FGD3: variants seen among roughly 807,000 people sequenced by gnomAD.
FGD3 encodes the protein FYVE, RhoGEF and PH domain-containing protein 3.
In FGD3, 45 loss-of-function variants were observed where a neutral mutation model predicts 71.8. That is an observed-to-expected ratio of 0.63 (90% CI 0.49 to 0.80). The LOEUF (loss-of-function observed/expected upper bound fraction) is 0.80. Among genes scored for constraint, FGD3 ranks in the 30% least tolerant of loss-of-function variants. The pLI, the probability that FGD3 is intolerant of heterozygous loss-of-function variation, is 0.00. For synonymous variants in FGD3, 378 were observed against 392.8 expected, an observed-to-expected ratio of 0.96 and a Z score of 0.44; for missense variants, 844 against 951.5, an observed-to-expected ratio of 0.89 and a Z score of 1.49.
At chr9:92,950,640 G>C (rs553567189) in intron 1 of FGD3, among the ~76,000 whole-genome samples, 3 of 152,300 alleles carry the variant, frequency 2.0e-5, no homozygotes, top group Admixed American at 2.0e-4. Flanking sequence ...GGGAAAGAAG[G>C]GGGCAGGAGG....
rs764103860 is a variant in FGD3, at chr9:92,976,697, C to T, written c.441C>T (p.Ala147=). ...ENTPQKADKD[A]GLAQHSGPQK... The stretch of plus-strand genomic sequence containing the variant: ...CCCCCCAGAAGGCTGACAAGGATGC[C>T]GGCCTGGCCCAGGTAGGCTTCCCCT... The change falls in exon 3 of 18, where the codon GCC becomes GCT. Residue 147 remains alanine (A), a synonymous_variant. Coordinates refer to ENST00000375482, the MANE Select transcript of FGD3 (RefSeq NM_001083536.2). 30 of 1,584,204 alleles carry T rather than the reference C, an allele frequency of 1.9e-5. No homozygotes were observed. The highest frequency in any genetic ancestry group is 4.0e-5 in the African/African-American group (3 of 74,270).
At chr9:92,963,541 C>A (rs1225980754) in intron 1 of FGD3, among the ~76,000 whole-genome samples, 2 of 152,190 alleles carry the variant, frequency 1.3e-5, no homozygotes, top group Admixed American at 6.5e-5. Context: ...CTCAAGTGAT[C>A]CTCCCTCCTT....
chr9:92,979,216 C>T (rs974872057), intron 3 of FGD3, among the ~76,000 whole-genome samples: 1 of 152,028 alleles, frequency 6.6e-6, no homozygotes, highest in Non-Finnish European at 1.5e-5. Flanking sequence ...TAGTCTTTCA[C>T]CATTGAATAT....
chr9:93,012,356 G>C (rs562179418), intron 8 of FGD3, among the ~76,000 whole-genome samples: 1 of 152,212 alleles, frequency 6.6e-6, no homozygotes, highest in South Asian at 2.1e-4. Context: ...GAGAGTGAGA[G>C]CTGCAACATG....
intron 14 of FGD3, among the ~76,000 whole-genome samples, chr9:93,028,069 T>C (rs1862190549): frequency 6.6e-6 from 1 of 151,970 alleles, no homozygotes; most frequent in Non-Finnish European, 1.5e-5. Flanking sequence ...TTTAAGCGTA[T>C]GTTGTTTAGC....
intron 3 of FGD3, among the ~76,000 whole-genome samples, chr9:92,994,289 C>T (rs559316042): frequency 2.6e-5 from 4 of 152,102 alleles, no homozygotes. Flanking sequence ...TGTTCATATC[C>T]TTTGCCCACT....
chr9:93,024,796 C>A (rs1564169865), intron 14 of FGD3, among the ~76,000 whole-genome samples: 1 of 152,240 alleles, frequency 6.6e-6, no homozygotes, highest in Non-Finnish European at 1.5e-5. Flanking sequence ...GGGAGTCTAA[C>A]CCCCGGGTTG....
chr9:92,995,119 T>G, intron 3 of FGD3, among the ~76,000 whole-genome samples: 1 of 152,228 alleles, frequency 6.6e-6, no homozygotes, highest in East Asian at 1.9e-4. Context: ...TGGAATGTTC[T>G]TCCATTTGTT....
intron 3 of FGD3, among the ~76,000 whole-genome samples, chr9:92,979,954 C>G (rs538992472): frequency 1.4e-5 from 2 of 143,446 alleles, no homozygotes; most frequent in East Asian, 4.0e-4. Context: ...CTCTCTCTCT[C>G]TTTTTTTTTT....
chr9:93,009,099 CT>C (rs1385521089), intron 6 of FGD3, among the ~76,000 whole-genome samples: 5 of 152,066 alleles, frequency 3.3e-5, no homozygotes, highest in African/African-American at 9.7e-5. Context: ...CCCATCTCTA[CT>C]AAAAATACAA....
chr9:92,953,033 G>T (rs1448824305), intron 1 of FGD3, among the ~76,000 whole-genome samples: 1 of 152,212 alleles, frequency 6.6e-6, no homozygotes, highest in Non-Finnish European at 1.5e-5. Flanking sequence ...TGGACATGGA[G>T]TGCATAGGAA....
chr9:92,989,676 A>T (rs985241062), intron 3 of FGD3, among the ~76,000 whole-genome samples: 5 of 152,244 alleles, frequency 3.3e-5, no homozygotes, highest in Non-Finnish European at 7.3e-5. Flanking sequence ...AGAGAAAAGG[A>T]GCCGGTAGGC....
intron 1 of FGD3, among the ~76,000 whole-genome samples, chr9:92,962,273 C>A (rs1587812461): frequency 6.6e-6 from 1 of 152,228 alleles, no homozygotes; most frequent in South Asian, 2.1e-4. Context: ...TTATCATGAC[C>A]CTCTTAGGAC....
At chr9:92,967,364 A>G (rs1034284643) in intron 1 of FGD3, among the ~76,000 whole-genome samples, 1 of 151,950 alleles carries the variant, frequency 6.6e-6, no homozygotes, top group Admixed American at 6.6e-5. Flanking sequence ...CACCTTCCCA[A>G]TCTGAAACTC....
chr9:93,010,395 G>A lies in FGD3; in HGVS notation c.976+11G>A, dbSNP rs1431684741. 6.2e-7 allele frequency: 1 copy of A among 1,601,228 alleles called. No homozygotes were observed. Among genetic ancestry groups the A allele is most frequent in the Non-Finnish European group, 8.5e-7 (1 of 1,170,686 alleles). ...GGAAGGATGCGGAGAGTGAGCTGGG[G>A]CCAAGGGCTCCCAGGAGGGTGCAGG... On this transcript the variant is annotated intron_variant, in intron 7 of 17. Coordinates refer to ENST00000375482, the MANE Select transcript of FGD3 (RefSeq NM_001083536.2).
chr9:92,996,308 T>C (rs563451039), intron 3 of FGD3, among the ~76,000 whole-genome samples: 1 of 152,378 alleles, frequency 6.6e-6, no homozygotes, highest in Admixed American at 6.5e-5. Flanking sequence ...TGTATTTCTG[T>C]GGGATCGGTG....
At chr9:92,997,220 CATTATGCA>C (rs1287257299) in intron 3 of FGD3, among the ~76,000 whole-genome samples, 15 of 152,238 alleles carry the variant, frequency 9.9e-5, no homozygotes, top group Non-Finnish European at 1.8e-4. Flanking sequence ...GTCCCTTTAC[CATTATGCA>C]ATGGCCTTCT....
rs2118699791 is a variant in FGD3 at position 93,003,908 on chromosome 9, C to A, written c.544-93C>A. Reference sequence around the variant, plus strand: ...AAACACAAGGTGGCAGCAGCGGCCCCTCCCGAGCGCCCTCACCTGTGGCCG... The same window carrying A: ...AAACACAAGGTGGCAGCAGCGGCCCATCCCGAGCGCCCTCACCTGTGGCCG... On this transcript the variant is annotated intron_variant, in intron 4 of 17. Transcript: ENST00000375482. The surrounding 1 kb of genome is among the most constrained non-coding windows in gnomAD (Gnocchi z 4.1). 1 of 1,506,150 alleles carries A rather than the reference C, an allele frequency of 6.6e-7. No individual in the cohort carries two copies. The highest frequency in any genetic ancestry group is 9.0e-7 in the Non-Finnish European group (1 of 1,105,634). 93.3% of individuals were successfully genotyped at this position (1,506,150 alleles called of 1,614,324 possible).
intron 13 of FGD3, 99 bp from the exon 14 acceptor site, chr9:93,022,228 T>G: frequency 8.3e-7 from 1 of 1,205,016 alleles, no homozygotes; most frequent in Non-Finnish European, 1.2e-6. Flanking sequence ...CTGCCCTCAA[T>G]GCACAGAGGT....
Sources: allele counts gnomAD v4.1 joint callset (sites outside exome capture counted in the v4.1 genomes callset), GRCh38; gene constraint gnomAD v4.1.1; non-coding constraint Gnocchi (gnomAD v3.1); transcripts MANE v1.5; gene names NCBI Gene and HGNC (gene_info 2026-07-23, HGNC 2026-07-21).